The following CES3 variants were observed in gnomAD, a reference collection of about 807,000 sequenced individuals.
CES3 encodes carboxylesterase 3 (brain).
Under a neutral mutation model 57.6 loss-of-function variants are expected in CES3, and 49 were observed. The observed-to-expected ratio is 0.85, with a 90% CI of 0.68 to 1.08. The LOEUF is 1.08. Among genes scored for constraint, CES3 ranks in the 50% least tolerant of loss-of-function variants. CES3 has a pLI of 0.00. For missense variants in CES3, 645 were observed against 742.0 expected, an observed-to-expected ratio of 0.87 and a Z score of 1.52; for synonymous variants, 266 against 281.6, an observed-to-expected ratio of 0.94 and a Z score of 0.55.
Position 66,963,800 on chromosome 16 carries a change from AG to A in CES3, c.427del. 6.2e-7 allele frequency: 1 copy of A among 1,612,196 alleles called. No homozygotes were observed. Among genetic ancestry groups the A allele is most frequent in the South Asian group, 1.1e-5 (1 of 91,062 alleles). ...GTCAGTGCCCCATGGCCACCTCTGCAGGTCATGGTATGGGTCCATGGAGGCG... is the reference window on the plus strand; with the variant it reads ...GTCAGTGCCCCATGGCCACCTCTGCAGTCATGGTATGGGTCCATGGAGGCG... On this transcript the variant is annotated splice_acceptor_variant, in intron 3 of 12. Coordinates refer to ENST00000303334, the MANE Select transcript of CES3 (RefSeq NM_024922.6). LOFTEE classifies it high-confidence loss of function. The surrounding 1 kb of genome is among the most constrained non-coding windows in gnomAD (Gnocchi z 4.9).
chr16:66,968,824 G>T (rs1963781252), intron 8 of CES3, among the ~76,000 whole-genome samples: 1 of 152,118 alleles, frequency 6.6e-6, no homozygotes, highest in South Asian at 2.1e-4. Flanking sequence ...TGAGGCACGA[G>T]AATCACTTGA....
At position 66,963,096 on chromosome 16, in the gene CES3, G is replaced by T; in HGVS notation, c.83-83G>T. On this transcript the variant is annotated intron_variant, in intron 1 of 12. Coordinates refer to ENST00000303334, the MANE Select transcript of CES3 (RefSeq NM_024922.6). The surrounding 1 kb of genome is among the most constrained non-coding windows in gnomAD (Gnocchi z 4.9). ...CAAGATGCTGTGTGGTAAGTACTGA[G>T]AACAGCCTGAGGGTTTGTCTTTCAC... The T allele has an allele frequency of 7.0e-7, 1 of 1,433,748 alleles. No individual in the cohort carries two copies. The highest frequency in any genetic ancestry group is 1.2e-5 in the South Asian group (1 of 86,318). 88.8% of individuals were successfully genotyped at this position (1,433,748 alleles called of 1,614,324 possible).
At chr16:66,966,017 T>C (rs1455631576) in intron 6 of CES3, among the ~76,000 whole-genome samples, 3 of 151,988 alleles carry the variant, frequency 2.0e-5, no homozygotes, top group Non-Finnish European at 4.4e-5. Flanking sequence ...CCCCAGATAA[T>C]AAAATTATGG....
At position 66,972,986 on chromosome 16, in the gene CES3, C is replaced by A. The variant is rs1242273883; in HGVS notation, c.1653C>A (p.Leu551=). The change falls in exon 13 of 13, where the codon CTC becomes CTA. Residue 551 remains leucine, a synonymous_variant. Transcript: ENST00000303334. ...EAWMQFWSET[L]PSKIQQWHQK... is the part of the protein sequence containing the mutation. Reference sequence around the variant, plus strand: ...GGATGCAGTTCTGGTCAGAGACGCTCCCCAGCAAGATACAACAGTGGCACC... The same window carrying A: ...GGATGCAGTTCTGGTCAGAGACGCTACCCAGCAAGATACAACAGTGGCACC... 6.2e-7 allele frequency: 1 copy of A among 1,614,070 alleles called. No homozygotes were observed. Among genetic ancestry groups the A allele is most frequent in the Non-Finnish European group, 8.5e-7 (1 of 1,180,026 alleles).
chr16:66,963,059 TG>T lies in CES3; in HGVS notation c.83-117del. 9.3e-7 allele frequency: 1 copy of T among 1,075,240 alleles called. No individual in the cohort carries two copies. Among genetic ancestry groups the T allele is most frequent in the African/African-American group, 1.6e-5 (1 of 64,238 alleles). 66.6% of individuals were successfully genotyped at this position (1,075,240 alleles called of 1,614,324 possible). A position where few individuals can be genotyped will look rare whatever the true frequency, so the allele number is the denominator to read the frequency against. Reference sequence around the variant, plus strand: ...CCTAAGACCAGGCTCACCGGCTTGCTGGGAAGGTTACCAAGATGCTGTGTGG... The same window carrying T: ...CCTAAGACCAGGCTCACCGGCTTGCTGGAAGGTTACCAAGATGCTGTGTGG... On this transcript the variant is annotated intron_variant, in intron 1 of 12. Coordinates refer to ENST00000303334, the MANE Select transcript of CES3 (RefSeq NM_024922.6). The surrounding 1 kb of genome is among the most constrained non-coding windows in gnomAD (Gnocchi z 4.9).
chr16:66,974,135 C>T lies in CES3; in HGVS notation c.*1086C>T, dbSNP rs1430804619. ...GTGTGCTGGCAGCCCTCACAGCCCT[C>T]GCTTGCTCTCCCTGCCGCCTCTGCC... On this transcript the variant is annotated 3_prime_UTR_variant, in exon 13 of 13. Transcript: ENST00000303334. The T allele has an allele frequency of 2.0e-5, 3 of 152,746 alleles. No individual in the cohort carries two copies. Among genetic ancestry groups the T allele is most frequent in the Non-Finnish European group, 4.4e-5 (3 of 68,442 alleles). The allele number at this position is 152,746 out of a possible 1,614,324, so 9.5% of individuals were successfully genotyped here. A position where few individuals can be genotyped will look rare whatever the true frequency, so the allele number is the denominator to read the frequency against.
In CES3 at chr16:66,973,617, C is replaced by G. The variant is rs1963882684; in HGVS notation, c.*568C>G. 1 of 154,484 alleles carries G rather than the reference C, an allele frequency of 6.5e-6. No individual in the cohort carries two copies. Among genetic ancestry groups the G allele is most frequent in the African/African-American group, 2.4e-5 (1 of 41,476 alleles). 9.6% of individuals were successfully genotyped at this position (154,484 alleles called of 1,614,324 possible). ...GGTGCCAAAGCCATACTCAGGCCCC[C>G]ACCGACATTGTCCACCCTGGCCAGA... On this transcript the variant is annotated 3_prime_UTR_variant, in exon 13 of 13. Coordinates refer to ENST00000303334, the MANE Select transcript of CES3 (RefSeq NM_024922.6).
intron 9 of CES3, among the ~76,000 whole-genome samples, chr16:66,970,470 T>C (rs1483340277): frequency 1.3e-5 from 2 of 152,184 alleles, no homozygotes; most frequent in African/African-American, 4.8e-5. Flanking sequence ...AACTGAGGCT[T>C]GAGGTGTCAT....
intron 4 of CES3, among the ~76,000 whole-genome samples, chr16:66,964,138 C>T (rs1023185606): frequency 8.5e-5 from 13 of 152,208 alleles, no homozygotes; most frequent in African/African-American, 3.1e-4. Flanking sequence ...GAACTTGGTC[C>T]CTTGGGCAGA....
rs144166705 is a variant in CES3, at chr16:66,972,934, G to C, written c.1601G>C (p.Arg534Pro). The change falls in exon 13 of 13, where the codon CGG becomes CCG. Residue 534 changes from arginine to proline, a missense_variant. By Grantham distance (103) the Arg-to-Pro change is moderately radical. Transcript: ENST00000303334. ...EQYLEINPVP[R>P]AGQKFREAWM... ...TATCTGGAGATCAACCCAGTGCCAC[G>C]GGCCGGACAGAAGTTCAGGGAGGCC... 3.1e-6 allele frequency: 5 copies of C among 1,614,006 alleles called. No homozygotes were observed. Among genetic ancestry groups the C allele is most frequent in the African/African-American group, 2.7e-5 (2 of 74,908 alleles).
chr16:66,963,144 AAACTCACCCCG>A lies in CES3; in HGVS notation c.83-34_83-24del. On this transcript the variant is annotated intron_variant, in intron 1 of 12. Transcript: ENST00000303334. This position sits in a 1 kb window ranked among gnomAD's most constrained non-coding sequence, Gnocchi z 4.9. ...CACTCCTTCCCCTCATGGGGGCTGCAAACTCACCCCGTGGCCTTTCTGTCCTTCCCTCAGGG... is the reference window on the plus strand; with the variant it reads ...CACTCCTTCCCCTCATGGGGGCTGCATGGCCTTTCTGTCCTTCCCTCAGGG... 1 of 1,609,284 alleles carries A rather than the reference AAACTCACCCCG, an allele frequency of 6.2e-7. No individual in the cohort carries two copies. The highest frequency in any genetic ancestry group is 8.5e-7 in the Non-Finnish European group (1 of 1,175,574).
chr16:66,963,628 C>G lies in CES3; in HGVS notation c.425C>G (p.Pro142Arg). 1 of 1,614,064 alleles carries G rather than the reference C, an allele frequency of 6.2e-7. No homozygotes were observed. Among genetic ancestry groups the G allele is most frequent in the Non-Finnish European group, 8.5e-7 (1 of 1,180,018 alleles). ...GAGGTCCCCGCAGGGTCCGGTAGGC[C>G]GGTAGGCACCCCAGAGGGCCCTGTC... ...PAEVPAGSGR[P>R]VMVWVHGGAL... Residue 142 changes from proline (P) to arginine (R), a missense_variant and splice_region_variant, in exon 3 of 13, where the codon CCG (proline) becomes CGG (arginine). By Grantham distance (103) the Pro-to-Arg change is moderately radical. Coordinates refer to ENST00000303334, the MANE Select transcript of CES3 (RefSeq NM_024922.6). The surrounding 1 kb of genome is among the most constrained non-coding windows in gnomAD (Gnocchi z 4.9).
rs571781045 is a variant in CES3 at position 66,966,767 on chromosome 16, C to T, written c.964C>T (p.Pro322Ser). Residue 322 changes from proline (P) to serine (S), a missense_variant, in exon 8 of 13, where the codon CCC becomes TCC. By Grantham distance (74) the Pro-to-Ser change is moderately conservative. Coordinates refer to ENST00000303334, the MANE Select transcript of CES3 (RefSeq NM_024922.6). ...TCTCACCGTTGATGGCACTGTCTTC[C>T]CCAAAAGCCCCAAGGAACTCCTGAA... ...YPLTVDGTVF[P>S]KSPKELLKEK... is the part of the protein sequence containing the mutation. The T allele has an allele frequency of 1.9e-6, 3 of 1,614,128 alleles. No individual in the cohort carries two copies. Among genetic ancestry groups the T allele is most frequent in the Non-Finnish European group, 2.5e-6 (3 of 1,180,030 alleles).
intron 1 of CES3, chr16:66,962,961 G>A (rs535425573): frequency 3.4e-5 from 24 of 696,736 alleles, no homozygotes; most frequent in Middle Eastern, 4.8e-4. Flanking sequence ...GGCCCTAGTG[G>A]CAGGCCCGGT....
In CES3 at chr16:66,973,089, T is replaced by G. The variant is rs992780421; in HGVS notation, c.*40T>G. The G allele has an allele frequency of 4.5e-6, 7 of 1,571,856 alleles. No individual in the cohort carries two copies. Among genetic ancestry groups the G allele is most frequent in the Non-Finnish European group, 6.1e-6 (7 of 1,147,256 alleles). Reference sequence around the variant, plus strand: ...CTTCTTGGCTGGGGCAAACCACTCTTCAAGTGGTGGCAGAGTCCCAGCACG... The same window carrying G: ...CTTCTTGGCTGGGGCAAACCACTCTGCAAGTGGTGGCAGAGTCCCAGCACG... On this transcript the variant is annotated 3_prime_UTR_variant, in exon 13 of 13. Transcript: ENST00000303334.
chr16:66,965,425 A>T (rs927421403), intron 6 of CES3, among the ~76,000 whole-genome samples: 3 of 152,188 alleles, frequency 2.0e-5, no homozygotes, highest in African/African-American at 7.2e-5. Context: ...GCCATCGGGG[A>T]GAGAGGGGGC....
intron 8 of CES3, among the ~76,000 whole-genome samples, chr16:66,967,313 C>T (rs992233149): frequency 3.9e-5 from 6 of 152,176 alleles, no homozygotes; most frequent in South Asian, 2.1e-4. Context: ...TTTGGCCTTC[C>T]GAAGTGTTGG....
At chr16:66,969,121 T>G (rs1963786912) in intron 8 of CES3, among the ~76,000 whole-genome samples, 1 of 152,036 alleles carries the variant, frequency 6.6e-6, no homozygotes, top group African/African-American at 2.4e-5. Flanking sequence ...GTTGGGTGAC[T>G]CAGGCTGGGC....
chr16:66,971,335 G>A lies in CES3; in HGVS notation c.1291+16G>A, dbSNP rs1963829832. On this transcript the variant is annotated intron_variant, in intron 10 of 12. Transcript: ENST00000303334. ...TACCTTCGAGGTAAGCCTGTCCCTG[G>A]CCACCTGCCCAACCCCTCCCACTTG... 1 of 1,608,422 alleles carries A rather than the reference G, an allele frequency of 6.2e-7. No individual in the cohort carries two copies. Among genetic ancestry groups the A allele is most frequent in the African/African-American group, 1.3e-5 (1 of 74,820 alleles).
Sources: gnomAD v4.1 joint callset for allele counts (sites outside exome capture counted in the v4.1 genomes callset) on GRCh38, gnomAD v4.1.1 for gene constraint, Gnocchi (gnomAD v3.1) non-coding constraint, MANE v1.5 for transcripts, NCBI Gene and HGNC (gene_info 2026-07-23, HGNC 2026-07-21) for gene names.